The following DPP10 variants were observed in gnomAD, a reference collection of about 807,000 sequenced individuals.
DPP10 encodes the protein inactive dipeptidyl peptidase 10.
DPP10 carries 33 observed loss-of-function variants against 120.9 expected under a neutral mutation model. That is an observed-to-expected ratio of 0.27 (90% CI 0.21 to 0.37). DPP10 has a LOEUF of 0.37. DPP10 is among the 10% of genes least tolerant of loss of function. DPP10 has a pLI of 1.00. For missense variants in DPP10, 816 were observed against 942.8 expected (o/e 0.87, Z 1.76); for synonymous variants, 337 against 326.1 (o/e 1.03, Z -0.36).
At chr2:114,720,805 G>T (rs1701656496) in intron 1 of DPP10, among the ~76,000 whole-genome samples, 1 of 152,168 alleles carries the variant, frequency 6.6e-6, no homozygotes, top group South Asian at 2.1e-4. Context: ...ACTGTGAGCA[G>T]AACTTATACA....
chr2:115,468,847 C>G (rs1443655065), intron 3 of DPP10: 1 of 420,336 alleles, frequency 2.4e-6, no homozygotes, highest in Non-Finnish European at 4.6e-6. Flanking sequence ...CTGCTGAAGA[C>G]TGGAGCACTC....
chr2:115,273,130 A>G (rs1055090490), intron 1 of DPP10, among the ~76,000 whole-genome samples: 1 of 152,180 alleles, frequency 6.6e-6, no homozygotes, highest in Non-Finnish European at 1.5e-5. Flanking sequence ...TCTCTTGAGT[A>G]TAAATGTTTA....
intron 5 of DPP10, among the ~76,000 whole-genome samples, chr2:115,667,647 T>C (rs1488912973): frequency 6.6e-6 from 1 of 151,922 alleles, no homozygotes; most frequent in Non-Finnish European, 1.5e-5. Flanking sequence ...AAGATTATAG[T>C]TGTGCAGCTT....
At chr2:114,652,473 A>C (rs146501861) in intron 1 of DPP10, among the ~76,000 whole-genome samples, 24 of 152,284 alleles carry the variant, frequency 1.6e-4, no homozygotes, top group African/African-American at 5.8e-4. Flanking sequence ...GCTGGCATTA[A>C]ATTAGTCCTG....
intron 1 of DPP10, among the ~76,000 whole-genome samples, chr2:114,993,749 A>G (rs939388391): frequency 1.3e-5 from 2 of 151,906 alleles, no homozygotes; most frequent in Admixed American, 6.6e-5. Flanking sequence ...TTGTACGACT[A>G]TGTGCCCATG....
intron 1 of DPP10, among the ~76,000 whole-genome samples, chr2:114,553,812 A>G (rs6542215): frequency 2.4e-4 from 37 of 152,334 alleles, no homozygotes; most frequent in African/African-American, 8.9e-4. Context: ...TTCAAAGCCT[A>G]TGCCATAACC....
At chr2:115,279,819 G>A (rs907274710) in intron 1 of DPP10, among the ~76,000 whole-genome samples, 81 of 151,288 alleles carry the variant, frequency 5.4e-4, no homozygotes, top group African/African-American at 1.6e-3. Flanking sequence ...AGGGCACCAC[G>A]CCCAGCTAAT....
intron 1 of DPP10, among the ~76,000 whole-genome samples, chr2:115,002,909 G>T (rs1463510533): frequency 6.6e-6 from 1 of 152,086 alleles, no homozygotes; most frequent in Admixed American, 6.6e-5. Context: ...ATATACTGCT[G>T]ATGGGAGTGT....
At chr2:115,834,352 C>T (rs1689230889) in intron 21 of DPP10, among the ~76,000 whole-genome samples, 1 of 152,182 alleles carries the variant, frequency 6.6e-6, no homozygotes, top group Non-Finnish European at 1.5e-5. Context: ...TAGACTTCAT[C>T]ATGAACAAAC....
At chr2:114,645,296 T>C (rs1350053401) in intron 1 of DPP10, among the ~76,000 whole-genome samples, 1 of 152,212 alleles carries the variant, frequency 6.6e-6, no homozygotes, top group African/African-American at 2.4e-5. Context: ...CACAGCTATC[T>C]TGTGTCCTAA....
intron 1 of DPP10, among the ~76,000 whole-genome samples, chr2:115,248,633 G>A (rs1274508146): frequency 6.6e-6 from 1 of 152,204 alleles, no homozygotes; most frequent in East Asian, 1.9e-4. Context: ...GCTTTTCATT[G>A]AATAAGGGAG....
At chr2:114,662,532 T>C (rs1697504358) in intron 1 of DPP10, among the ~76,000 whole-genome samples, 1 of 150,884 alleles carries the variant, frequency 6.6e-6, no homozygotes, top group Non-Finnish European at 1.5e-5. Context: ...CAAGACAACG[T>C]CCAGAGACCC....
At chr2:115,589,379 G>A (rs1433944377) in intron 5 of DPP10, among the ~76,000 whole-genome samples, 3 of 152,184 alleles carry the variant, frequency 2.0e-5, no homozygotes, top group Non-Finnish European at 2.9e-5. Context: ...TTAAGTTCAT[G>A]TTTACCCAGG....
intron 1 of DPP10, among the ~76,000 whole-genome samples, chr2:114,722,873 A>T (rs1701795558): frequency 2.0e-5 from 3 of 151,876 alleles, no homozygotes; most frequent in Admixed American, 2.0e-4. Context: ...TTGGTCATCA[A>T]GTACACAGAT....
At chr2:114,960,097 A>G (rs918224553) in intron 1 of DPP10, among the ~76,000 whole-genome samples, 25 of 152,168 alleles carry the variant, frequency 1.6e-4, no homozygotes. Context: ...ACCCAGTCAG[A>G]TAATATAACT....
At chr2:114,472,627 G>C (rs149013489) in intron 1 of DPP10, among the ~76,000 whole-genome samples, 1 of 152,166 alleles carries the variant, frequency 6.6e-6, no homozygotes. Context: ...TATCTCAGGG[G>C]ACTCACAGTC....
chr2:115,257,554 G>A (rs1311616004), intron 1 of DPP10, among the ~76,000 whole-genome samples: 1 of 152,122 alleles, frequency 6.6e-6, no homozygotes, highest in Non-Finnish European at 1.5e-5. Flanking sequence ...ACCAAGCTGT[G>A]AAAGATTCTT....
intron 3 of DPP10, among the ~76,000 whole-genome samples, 158 bp from the exon 4 acceptor site, chr2:115,499,352 C>A (rs961637329): frequency 6.6e-6 from 1 of 152,042 alleles, no homozygotes; most frequent in Admixed American, 6.6e-5. Context: ...CCTGATCTTT[C>A]ACGAGAATGA....
At chr2:115,219,367 A>C (rs1039767579) in intron 1 of DPP10, among the ~76,000 whole-genome samples, 2 of 151,920 alleles carry the variant, frequency 1.3e-5, no homozygotes, top group Non-Finnish European at 2.9e-5. Flanking sequence ...AGCATGGTTC[A>C]AGATTTCCAG....
Sources: gnomAD v4.1 joint callset for allele counts (sites outside exome capture counted in the v4.1 genomes callset) on GRCh38, gnomAD v4.1.1 for gene constraint, MANE v1.5 for transcripts, NCBI Gene and HGNC (gene_info 2026-07-23, HGNC 2026-07-21) for gene names.